CASS4: variants seen among roughly 807,000 people sequenced by gnomAD.
CASS4 encodes Cas scaffold protein family member 4.
CASS4 carries 22 observed loss-of-function variants against 54.2 expected under a neutral mutation model. The ratio of observed to expected loss-of-function variants is 0.41; its 90% CI spans 0.29 to 0.58. CASS4 has a LOEUF of 0.58. CASS4 is among the 20% of genes least tolerant of loss of function. The probability of loss-of-function intolerance (pLI) is 0.36; values close to 1 mark genes in which losing one functional copy is unlikely to be tolerated. For synonymous variants in CASS4, 409 were observed against 391.5 expected (o/e 1.04, Z -0.53); for missense variants, 854 against 986.7 (o/e 0.87, Z 1.80).
At chr20:56,423,680 G>A (rs1051777413) in intron 1 of CASS4, among the ~76,000 whole-genome samples, 2 of 152,064 alleles carry the variant, frequency 1.3e-5, no homozygotes, top group East Asian at 1.9e-4. Context: ...CAGTAGTTGG[G>A]ACTACAGGCA....
Position 56,458,884 on chromosome 20 carries a change from T to C in CASS4, c.*137T>C, listed in dbSNP as rs1981462851. 1 of 912,440 alleles carries C rather than the reference T, an allele frequency of 1.1e-6. No homozygotes were observed. The highest frequency in any genetic ancestry group is 1.7e-5 in the African/African-American group (1 of 59,804). The allele number at this position is 912,440 out of a possible 1,614,324, so 56.5% of individuals were successfully genotyped here. A position where few individuals can be genotyped will look rare whatever the true frequency, so the allele number is the denominator to read the frequency against. On this transcript the variant is annotated 3_prime_UTR_variant, in exon 6 of 6. Coordinates refer to ENST00000679887, the MANE Select transcript of CASS4 (RefSeq NM_020356.4). ...CAGACCTGGTGCCCAAAGCTGGTAG[T>C]ACCAAGTGGCTAAGCAACCCCAGGG... is the stretch of plus-strand genomic sequence containing the variant.
At chr20:56,425,461 C>G (rs547532626) in intron 1 of CASS4, among the ~76,000 whole-genome samples, 1 of 152,218 alleles carries the variant, frequency 6.6e-6, no homozygotes, top group Non-Finnish European at 1.5e-5. Flanking sequence ...ATGCTGTACA[C>G]GGTCCAGGCC....
intron 1 of CASS4, among the ~76,000 whole-genome samples, chr20:56,435,589 G>A (rs920494670): frequency 3.9e-5 from 6 of 152,166 alleles, no homozygotes; most frequent in African/African-American, 7.2e-5. Flanking sequence ...AAGGGGGCTC[G>A]GCCATCACTG....
At chr20:56,419,228 G>T (rs1341337105) in intron 1 of CASS4, among the ~76,000 whole-genome samples, 1 of 152,110 alleles carries the variant, frequency 6.6e-6, no homozygotes, top group Non-Finnish European at 1.5e-5. Flanking sequence ...GCCACGGAGG[G>T]GGAGATTAGA....
At chr20:56,423,299 A>G (rs80263894) in intron 1 of CASS4, among the ~76,000 whole-genome samples, 3,454 of 151,952 alleles carry the variant, frequency 0.023, 133 homozygotes, top group African/African-American at 0.079. Context: ...ATTTCCTACA[A>G]CTCTTTGATT....
intron 1 of CASS4, among the ~76,000 whole-genome samples, chr20:56,420,495 C>A (rs901295692): frequency 2.0e-5 from 3 of 152,004 alleles, no homozygotes; most frequent in Admixed American, 6.6e-5. Flanking sequence ...CTCAAGCAAT[C>A]CTCCTGCCTC....
intron 5 of CASS4, among the ~76,000 whole-genome samples, chr20:56,457,814 A>G (rs1422948670): frequency 6.6e-6 from 1 of 152,096 alleles, no homozygotes. Context: ...CAGGGGTTCA[A>G]AACCAATCTG....
rs113713882 is a variant in CASS4, at chr20:56,443,930, C to A, written c.460-1970C>A. On this transcript the variant is annotated intron_variant, in intron 2 of 5. Coordinates refer to ENST00000679887, the MANE Select transcript of CASS4 (RefSeq NM_020356.4). ...ACTGAGAGCGCTTTGGAAAGCTGGG[C>A]TTCGAGAGCCTAGGATTTCAGGGAA... Among the ~76,000 whole-genome samples, 10 of 152,266 alleles carry A rather than the reference C, an allele frequency of 6.6e-5. 1 individual carries two copies. Among genetic ancestry groups the A allele is most frequent in the African/African-American group, 2.4e-4 (10 of 41,548 alleles).
chr20:56,418,689 T>C (rs1027342232), intron 1 of CASS4, among the ~76,000 whole-genome samples: 3 of 152,238 alleles, frequency 2.0e-5, no homozygotes, highest in African/African-American at 7.2e-5. Context: ...TTGAGACCGC[T>C]GGTCGCCGTG....
chr20:56,433,557 G>A (rs1383944243), intron 1 of CASS4, among the ~76,000 whole-genome samples: 3 of 152,164 alleles, frequency 2.0e-5, no homozygotes, highest in Non-Finnish European at 4.4e-5. Context: ...TGAAAAACTC[G>A]AGGACGACAA....
rs992776946 is a variant in CASS4, at chr20:56,430,355, G to T, written c.37-6809G>T. 3.9e-5 allele frequency among the ~76,000 whole-genome samples: 6 copies of T among 152,054 alleles called. No individual in the cohort carries two copies. Among genetic ancestry groups the T allele is most frequent in the Non-Finnish European group, 7.4e-5 (5 of 68,006 alleles). On this transcript the variant is annotated intron_variant, in intron 1 of 5. Transcript: ENST00000679887. This position sits in a 1 kb window ranked among gnomAD's most constrained non-coding sequence, Gnocchi z 4.2. The stretch of plus-strand genomic sequence containing the variant: ...AGCTGTTGTATGAAGATGGGCATTT[G>T]GGGGAAATGTCCTTTTTGGAAATCG...
intron 2 of CASS4, among the ~76,000 whole-genome samples, chr20:56,442,451 C>T (rs918081085): frequency 7.3e-5 from 11 of 151,646 alleles, no homozygotes; most frequent in African/African-American, 1.7e-4. Flanking sequence ...CTGTGGCTGA[C>T]GCTATTCTTT....
chr20:56,444,809 C>G (rs750556352), intron 2 of CASS4, among the ~76,000 whole-genome samples: 7 of 152,162 alleles, frequency 4.6e-5, no homozygotes, highest in Non-Finnish European at 8.8e-5. Context: ...GCCAGGTGCT[C>G]TCAATAAAAT....
At chr20:56,436,699 G>A (rs528588935) in intron 1 of CASS4, among the ~76,000 whole-genome samples, 5 of 152,060 alleles carry the variant, frequency 3.3e-5, no homozygotes, top group South Asian at 4.2e-4. Context: ...AAACCAGCCT[G>A]GGCAATGGCA....
intron 2 of CASS4, among the ~76,000 whole-genome samples, chr20:56,444,283 C>T (rs533806495): frequency 1.8e-4 from 27 of 152,254 alleles, no homozygotes; most frequent in African/African-American, 6.5e-4. Context: ...TGCCTGCGTT[C>T]CCCTCCCTCA....
Position 56,412,645 on chromosome 20 carries a change from G to T in CASS4, c.36+151G>T. 1.2e-6 allele frequency: 1 copy of T among 800,886 alleles called. No individual in the cohort carries two copies. The allele number at this position is 800,886 out of a possible 1,614,324, so 49.6% of individuals were successfully genotyped here. On this transcript the variant is annotated intron_variant, in intron 1 of 5. Transcript: ENST00000679887. This position sits in a 1 kb window ranked among gnomAD's most constrained non-coding sequence, Gnocchi z 4.2. ...ATGGGAAAGTTTAACATAAGTTTAA[G>T]TGTGGGAAATAGATGTGTTGTAAAG...
rs780121116 is a variant in CASS4 at position 56,437,147 on chromosome 20, C to T, written c.37-17C>T. 15 of 1,522,660 alleles carry T rather than the reference C, an allele frequency of 9.9e-6. No homozygotes were observed. Among genetic ancestry groups the T allele is most frequent in the Admixed American group, 2.1e-5 (1 of 46,834 alleles). The allele number at this position is 1,522,660 out of a possible 1,614,324, so 94.3% of individuals were successfully genotyped here. Reference sequence around the variant, plus strand: ...CGGTGCTAACTGCAAATTCTCTTCTCCCCTCTCCACCCACAGGCACTCCTG... The same window carrying T: ...CGGTGCTAACTGCAAATTCTCTTCTTCCCTCTCCACCCACAGGCACTCCTG... On this transcript the variant is annotated splice_polypyrimidine_tract_variant and intron_variant, in intron 1 of 5. Coordinates refer to ENST00000679887, the MANE Select transcript of CASS4 (RefSeq NM_020356.4). The surrounding 1 kb of genome is among the most constrained non-coding windows in gnomAD (Gnocchi z 4.7).
In CASS4 at chr20:56,420,719, C is replaced by G. The variant is rs371909048; in HGVS notation, c.36+8225C>G. On this transcript the variant is annotated intron_variant, in intron 1 of 5. Transcript: ENST00000679887. The stretch of plus-strand genomic sequence containing the variant: ...CCAGGTTCAAAAGTGAGAGTCTCCC[C>G]ACGGTTGAAAGGGGAATAGAAGCAC... Among the ~76,000 whole-genome samples, 5 of 152,132 alleles carry G rather than the reference C, an allele frequency of 3.3e-5. 1 individual carries two copies. The highest frequency in any genetic ancestry group is 1.9e-4 in the East Asian group (1 of 5,170).
intron 1 of CASS4, among the ~76,000 whole-genome samples, chr20:56,417,994 C>T (rs1027649358): frequency 6.6e-6 from 1 of 152,222 alleles, no homozygotes; most frequent in African/African-American, 2.4e-5. Flanking sequence ...AGCCCAGACA[C>T]AACACCCAAC....
Sources: gnomAD v4.1 joint callset for allele counts (sites outside exome capture counted in the v4.1 genomes callset) on GRCh38, gnomAD v4.1.1 for gene constraint, Gnocchi (gnomAD v3.1) non-coding constraint, MANE v1.5 for transcripts, NCBI Gene and HGNC (gene_info 2026-07-23, HGNC 2026-07-21) for gene names.